The following PHKB variants were observed in gnomAD, a reference collection of about 807,000 sequenced individuals.
The protein encoded by PHKB is phosphorylase b kinase regulatory subunit beta.
A neutral mutation model predicts 152.1 loss-of-function variants in PHKB; 122 were observed. The observed-to-expected ratio is 0.80, with a 90% CI of 0.69 to 0.93. PHKB has a LOEUF of 0.93. Among genes scored for constraint, PHKB ranks in the 40% least tolerant of loss-of-function variants. The pLI is 0.00. For synonymous variants in PHKB, 436 were observed against 464.9 expected, an observed-to-expected ratio of 0.94 and a Z score of 0.80; for missense variants, 1,304 against 1,328.4, an observed-to-expected ratio of 0.98 and a Z score of 0.29.
intron 13 of PHKB, among the ~76,000 whole-genome samples, chr16:47,597,546 G>A (rs757965021): frequency 4.6e-5 from 7 of 151,948 alleles, no homozygotes; most frequent in Admixed American, 2.0e-4. Flanking sequence ...TTAAGAACAT[G>A]AAGAAACATT....
intron 1 of PHKB, chr16:47,464,110 C>A: frequency 2.7e-6 from 2 of 753,520 alleles, no homozygotes; most frequent in South Asian, 1.4e-5. Flanking sequence ...TGGGCCCAGG[C>A]CTGAGTACCC....
chr16:47,641,516 C>A, intron 15 of PHKB, 83 bp from the exon 16 acceptor site: 2 of 766,256 alleles, frequency 2.6e-6, no homozygotes, highest in Non-Finnish European at 2.4e-6. Context: ...TTAACATGTT[C>A]CCTTTTATCC....
intron 6 of PHKB, among the ~76,000 whole-genome samples, chr16:47,536,163 T>C (rs1024508108): frequency 6.6e-6 from 1 of 152,196 alleles, no homozygotes; most frequent in African/African-American, 2.4e-5. Context: ...GCGATTCTCC[T>C]GTCTCAGCCT....
chr16:47,638,155 T>A (rs536108369), intron 14 of PHKB, among the ~76,000 whole-genome samples: 1 of 152,150 alleles, frequency 6.6e-6, no homozygotes, highest in Non-Finnish European at 1.5e-5. Context: ...AAGAAGGTGT[T>A]AAGTCACCTG....
At chr16:47,582,427 A>G (rs1971863101) in intron 8 of PHKB, among the ~76,000 whole-genome samples, 6 of 152,264 alleles carry the variant, frequency 3.9e-5, no homozygotes, top group Admixed American at 3.3e-4. Context: ...AAATCGCTAA[A>G]TTACTTTACT....
intron 14 of PHKB, among the ~76,000 whole-genome samples, chr16:47,621,463 G>T (rs1396777556): frequency 1.3e-5 from 2 of 152,098 alleles, no homozygotes; most frequent in Non-Finnish European, 2.9e-5. Flanking sequence ...TCTTTAAAAA[G>T]ATTTAAGGAT....
chr16:47,566,741 T>C, intron 7 of PHKB: 1 of 759,666 alleles, frequency 1.3e-6, no homozygotes, highest in East Asian at 2.5e-5. Flanking sequence ...TCCAAGTTGT[T>C]GAAATATCTC....
intron 1 of PHKB, among the ~76,000 whole-genome samples, chr16:47,476,997 C>T (rs1489398117): frequency 6.6e-6 from 1 of 152,176 alleles, no homozygotes; most frequent in Non-Finnish European, 1.5e-5. Context: ...CCTGGCAGTT[C>T]CCAGGAGGGT....
At chr16:47,653,814 G>A (rs548807777) in intron 20 of PHKB, among the ~76,000 whole-genome samples, 1 of 152,284 alleles carries the variant, frequency 6.6e-6, no homozygotes, top group African/African-American at 2.4e-5. Context: ...TTACAAAAAT[G>A]TGAGTACCTC....
At chr16:47,547,639 A>T (rs1040834134) in intron 7 of PHKB, 91 bp downstream of exon 7, 63 of 775,256 alleles carry the variant, frequency 8.1e-5, no homozygotes, top group African/African-American at 1.2e-4. Context: ...TGGAACTGTG[A>T]TTCATATGTT....
At chr16:47,531,009 GAA>G (rs370319224) in intron 6 of PHKB, among the ~76,000 whole-genome samples, 1 of 152,104 alleles carries the variant, frequency 6.6e-6, no homozygotes, top group Non-Finnish European at 1.5e-5. Flanking sequence ...TTTGGAGAAG[GAA>G]AAATATGAAG....
At chr16:47,466,114 C>CG in intron 1 of PHKB, among the ~76,000 whole-genome samples, 1 of 151,994 alleles carries the variant, frequency 6.6e-6, no homozygotes, top group Non-Finnish European at 1.5e-5. Context: ...TCCTGTATTT[C>CG]TGTGTGTGCA....
At chr16:47,677,547 C>T (rs1269948625) in intron 26 of PHKB, among the ~76,000 whole-genome samples, 2 of 152,100 alleles carry the variant, frequency 1.3e-5, no homozygotes, top group Non-Finnish European at 2.9e-5. Context: ...TGTCCTGTGT[C>T]CTCTGATGGA....
chr16:47,490,440 A>G (rs1970128724), intron 1 of PHKB, among the ~76,000 whole-genome samples: 1 of 152,210 alleles, frequency 6.6e-6, no homozygotes, highest in African/African-American at 2.4e-5. Flanking sequence ...GAAATTCCAT[A>G]CAGTTTTGGA....
At chr16:47,623,557 A>ATTTTTTTTTT (rs35402802) in intron 14 of PHKB, among the ~76,000 whole-genome samples, 4 of 86,264 alleles carry the variant, frequency 4.6e-5, no homozygotes, top group South Asian at 3.7e-4. Flanking sequence ...GACAGTTTTG[A>ATTTTTTTTTT]TTTTTTTTTT....
intron 7 of PHKB, among the ~76,000 whole-genome samples, chr16:47,567,930 T>A (rs1971597593): frequency 6.6e-6 from 1 of 152,218 alleles, no homozygotes; most frequent in African/African-American, 2.4e-5. Context: ...CGCTGTTGGA[T>A]TCAGTTTGCT....
chr16:47,641,365 G>A (rs984621838), intron 15 of PHKB, among the ~76,000 whole-genome samples: 2 of 152,078 alleles, frequency 1.3e-5, no homozygotes, highest in African/African-American at 4.8e-5. Context: ...AAACACATGG[G>A]GATTACCAAA....
intron 20 of PHKB, among the ~76,000 whole-genome samples, chr16:47,655,420 TTA>T (rs1299731864): frequency 1.3e-5 from 2 of 152,220 alleles, no homozygotes; most frequent in African/African-American, 4.8e-5. Flanking sequence ...TGACAAATTC[TTA>T]GTTTTGTGAT....
intron 6 of PHKB, among the ~76,000 whole-genome samples, chr16:47,541,090 A>G (rs2857614): frequency 1 from 151,929 of 152,210 alleles, 75,824 homozygotes; most frequent in East Asian, 1. Context: ...TTGGTTTGCT[A>G]TACCCATTAA....
Sources: gnomAD v4.1 joint callset for allele counts (sites outside exome capture counted in the v4.1 genomes callset) on GRCh38, gnomAD v4.1.1 for gene constraint, MANE v1.5 for transcripts, NCBI Gene and HGNC (gene_info 2026-07-23, HGNC 2026-07-21) for gene names.